ZMYND11: variants seen among roughly 807,000 people sequenced by gnomAD.
The protein encoded by ZMYND11 is zinc finger MYND-type containing 11, also known as zinc finger MYND domain-containing protein 11.
Under a neutral mutation model 84.9 loss-of-function variants are expected in ZMYND11, and 9 were observed. The observed-to-expected ratio is 0.11, with a 90% CI of 0.06 to 0.18. ZMYND11 has a LOEUF of 0.18. Among genes scored for constraint, ZMYND11 ranks in the 10% least tolerant of loss-of-function variants. ZMYND11 has a pLI of 1.00. For synonymous variants in ZMYND11, 250 were observed against 244.1 expected, an observed-to-expected ratio of 1.02 and a Z score of -0.23; for missense variants, 409 against 761.0, an observed-to-expected ratio of 0.54 and a Z score of 5.44.
chr10:212,124 T>C (rs1029730455), intron 3 of ZMYND11, among the ~76,000 whole-genome samples: 4 of 152,206 alleles, frequency 2.6e-5, no homozygotes, highest in African/African-American at 9.6e-5. Flanking sequence ...ATTTTATTTC[T>C]CTTTACTGTT....
At chr10:218,408 C>T (rs1946554288) in intron 3 of ZMYND11, 2 of 247,920 alleles carry the variant, frequency 8.1e-6, no homozygotes, top group Admixed American at 5.5e-5. Context: ...TGACATTTAG[C>T]AAAGTTAAGT....
At chr10:153,403 G>C (rs1554757707) in intron 1 of ZMYND11, among the ~76,000 whole-genome samples, 1 of 152,164 alleles carries the variant, frequency 6.6e-6, no homozygotes, top group Admixed American at 6.5e-5. Flanking sequence ...TAATTAACTT[G>C]TTAGGAAATA....
rs765985561 is a variant in ZMYND11, at chr10:236,913, A to G, written c.514A>G (p.Arg172Gly). ...LRFIVSRMKERAIDLNKKGKD... is the reference protein window; with the variant it reads ...LRFIVSRMKEGAIDLNKKGKD... ...ATTCATTGTCTCCCGCATGAAGGAGAGGGTGAGTCCTGCTCAGGGAATCTT... is the reference window on the plus strand; with the variant it reads ...ATTCATTGTCTCCCGCATGAAGGAGGGGGTGAGTCCTGCTCAGGGAATCTT... Residue 172 changes from arginine to glycine, a missense_variant and splice_region_variant, in exon 5 of 15, where the codon AGG becomes GGG. Physicochemically the swap from Arg to Gly is moderately radical, Grantham distance 125. Transcript: ENST00000381604. 1.2e-6 allele frequency: 2 copies of G among 1,613,076 alleles called. No homozygotes were observed. Among genetic ancestry groups the G allele is most frequent in the African/African-American group, 2.7e-5 (2 of 74,870 alleles).
Position 252,813 on chromosome 10 carries a change from CAA to C in ZMYND11, c.*345_*346del, listed in dbSNP as rs1380128267. 1 of 189,998 alleles carries C rather than the reference CAA, an allele frequency of 5.3e-6. No individual in the cohort carries two copies. Among genetic ancestry groups the C allele is most frequent in the Non-Finnish European group, 1.1e-5 (1 of 91,528 alleles). The allele number at this position is 189,998 out of a possible 1,614,324, so 11.8% of individuals were successfully genotyped here. On this transcript the variant is annotated 3_prime_UTR_variant, in exon 15 of 15. Transcript: ENST00000381604. This position sits in a 1 kb window ranked among gnomAD's most constrained non-coding sequence, Gnocchi z 4.6. ...AACAGGTGAATACAAGTGAGTTTAA[CAA>C]AGAAACATTTAGAATAGATCTGAAT... is the stretch of plus-strand genomic sequence containing the variant.
chr10:179,422 A>G (rs951967606), intron 1 of ZMYND11, among the ~76,000 whole-genome samples: 1 of 152,200 alleles, frequency 6.6e-6, no homozygotes, highest in African/African-American at 2.4e-5. Context: ...GAATGTTACC[A>G]TTCTTCATAA....
chr10:239,933 A>C, intron 7 of ZMYND11, 123 bp from the exon 8 acceptor site: 2 of 727,940 alleles, frequency 2.7e-6, no homozygotes, highest in Non-Finnish European at 4.4e-6. Context: ...TCGTTATTTT[A>C]AATGGACATT....
At chr10:190,399 C>T (rs1364970626) in intron 2 of ZMYND11, among the ~76,000 whole-genome samples, 2 of 152,152 alleles carry the variant, frequency 1.3e-5, no homozygotes, top group Non-Finnish European at 2.9e-5. Context: ...CCTCCTGCAA[C>T]TCCCCACTCT....
At chr10:238,164 A>T (rs1478406138) in intron 6 of ZMYND11, among the ~76,000 whole-genome samples, 10 of 152,196 alleles carry the variant, frequency 6.6e-5, no homozygotes, top group Admixed American at 3.9e-4. Context: ...ATAGCTGAGG[A>T]TTGTTAGTTT....
At chr10:228,880 G>A (rs1294597314) in intron 4 of ZMYND11, among the ~76,000 whole-genome samples, 1 of 152,084 alleles carries the variant, frequency 6.6e-6, no homozygotes, top group East Asian at 1.9e-4. Context: ...TAATATTGAA[G>A]GATAAAATTT....
In ZMYND11 at chr10:149,253, G is replaced by A. The variant is rs370725442; in HGVS notation, c.-20+13694G>A. Among the ~76,000 whole-genome samples, 6 of 151,144 alleles carry A rather than the reference G, an allele frequency of 4.0e-5. No individual in the cohort carries two copies. The East Asian group carries it at 9.7e-4, about 24-fold the overall frequency. ...TCTCCATCCCTGCACTGTGGCCTGG[G>A]AATTGCTGTGAGGCAGAACACTGAG... On this transcript the variant is annotated intron_variant, in intron 1 of 14. Coordinates refer to ENST00000381604, the MANE Select transcript of ZMYND11 (RefSeq NM_001370100.5).
At chr10:247,069 G>T in intron 11 of ZMYND11, 96 bp downstream of exon 11, 1 of 1,265,948 alleles carries the variant, frequency 7.9e-7, no homozygotes, top group Non-Finnish European at 1.1e-6. Flanking sequence ...AGATTTTGAC[G>T]TTCTCCTTCC....
chr10:238,363 CT>C (rs35565073), intron 6 of ZMYND11, among the ~76,000 whole-genome samples: 28 of 147,162 alleles, frequency 1.9e-4, no homozygotes, highest in Admixed American at 6.1e-4. Flanking sequence ...AGTTTCTTTT[CT>C]TTTTTTTTTT....
intron 1 of ZMYND11, among the ~76,000 whole-genome samples, chr10:162,948 G>A (rs781824283): frequency 2.6e-5 from 4 of 152,092 alleles, no homozygotes; most frequent in Non-Finnish European, 5.9e-5. Flanking sequence ...GGGAATTCCC[G>A]TTCCCTGCCT....
chr10:133,044 C>G (rs148223940), upstream of ZMYND11, among the ~76,000 whole-genome samples: 1 of 152,190 alleles, frequency 6.6e-6, no homozygotes, highest in Non-Finnish European at 1.5e-5. Context: ...CCCAGACCCA[C>G]ACACACACAT....
intron 2 of ZMYND11, among the ~76,000 whole-genome samples, chr10:187,999 G>A (rs1310572415): frequency 6.6e-6 from 1 of 152,108 alleles, no homozygotes; most frequent in East Asian, 1.9e-4. Flanking sequence ...AGTAAGTTGA[G>A]GGTTATGTGT....
chr10:138,476 A>T (rs1414426811), intron 1 of ZMYND11, among the ~76,000 whole-genome samples: 1 of 151,528 alleles, frequency 6.6e-6, no homozygotes, highest in African/African-American at 2.4e-5. Context: ...GTTTATTTGG[A>T]CTCTCATCCT....
At chr10:183,588 A>T (rs565968608) in intron 2 of ZMYND11, among the ~76,000 whole-genome samples, 190 of 152,282 alleles carry the variant, frequency 1.2e-3, no homozygotes, top group African/African-American at 4.2e-3. Context: ...ATCCTCTGCT[A>T]TTTGGTTACC....
At chr10:192,360 C>G (rs1332749803) in intron 2 of ZMYND11, among the ~76,000 whole-genome samples, 1 of 152,186 alleles carries the variant, frequency 6.6e-6, no homozygotes, top group African/African-American at 2.4e-5. Context: ...TGTCTGCCTT[C>G]TGACCATCAT....
In ZMYND11 at chr10:252,353, C is replaced by T; in HGVS notation, c.1692C>T (p.Tyr564=). The T allele has an allele frequency of 1.2e-6, 2 of 1,614,078 alleles. No homozygotes were observed. Among genetic ancestry groups the T allele is most frequent in the Non-Finnish European group, 1.7e-6 (2 of 1,179,996 alleles). The change falls in exon 15 of 15, where the codon TAC becomes TAT. Residue 564 remains tyrosine, a synonymous_variant. Transcript: ENST00000381604. The surrounding 1 kb of genome is among the most constrained non-coding windows in gnomAD (Gnocchi z 4.6). The stretch of plus-strand genomic sequence containing the variant: ...CCCCGATTTCTTACCTGCAGTGCTA[C>T]AACTGTGAGGAGGAGGCCATGTACC... ...ISQTKKKQWC[Y]NCEEEAMYHC... is the part of the protein sequence containing the mutation.
Sources: allele counts gnomAD v4.1 joint callset (sites outside exome capture counted in the v4.1 genomes callset), GRCh38; gene constraint gnomAD v4.1.1; non-coding constraint Gnocchi (gnomAD v3.1); transcripts MANE v1.5; gene names NCBI Gene and HGNC (gene_info 2026-07-23, HGNC 2026-07-21).